Variants in ELP1 observed in about 807,000 individuals in gnomAD.
The protein encoded by ELP1 is elongator complex protein 1.
Under a neutral mutation model 183.2 loss-of-function variants are expected in ELP1, and 131 were observed. That is an observed-to-expected ratio of 0.72 (90% CI 0.62 to 0.83). The LOEUF (loss-of-function observed/expected upper bound fraction) is 0.83, where lower values mean the gene tolerates loss of function less well. Among genes scored for constraint, ELP1 ranks in the 40% least tolerant of loss-of-function variants. The probability of loss-of-function intolerance (pLI) is 0.00; values close to 1 mark genes in which losing one functional copy is unlikely to be tolerated. For missense variants in ELP1, 1,550 were observed against 1,594.9 expected, an observed-to-expected ratio of 0.97 and a Z score of 0.48; for synonymous variants, 555 against 569.0, an observed-to-expected ratio of 0.98 and a Z score of 0.35.
intron 29 of ELP1, among the ~76,000 whole-genome samples, chr9:108,887,217 A>G (rs990288302): frequency 6.6e-6 from 1 of 152,106 alleles, no homozygotes; most frequent in South Asian, 2.1e-4. Flanking sequence ...TCAAAAATAA[A>G]ATAATATAGA....
At chr9:108,870,121 G>A (rs1019303965) in intron 36 of ELP1, among the ~76,000 whole-genome samples, 2 of 152,002 alleles carry the variant, frequency 1.3e-5, no homozygotes, top group African/African-American at 4.8e-5. Flanking sequence ...GACTACAAGT[G>A]TACACCACCA....
chr9:108,929,746 C>G lies in ELP1; in HGVS notation c.303+23G>C, dbSNP rs139228551. The G allele has an allele frequency of 1.1e-4, 170 of 1,612,876 alleles. No individual in the cohort carries two copies. In the African/African-American group the frequency reaches 1.8e-3, roughly 17 times the overall value. On this transcript the variant is annotated intron_variant, in intron 3 of 36. Coordinates refer to ENST00000374647, the MANE Select transcript of ELP1 (RefSeq NM_003640.5). ...TATTTGAGGATGCTTGAGACTCCCC[C>G]CTCACTGGAGTCTTCCACTTACCTG...
rs1829937882 is a variant in ELP1, at chr9:108,929,788, C to T, written c.284G>A (p.Cys95Tyr). ...VATASGDVIL[C>Y]SLSTQQLECV... The stretch of plus-strand genomic sequence containing the variant: ...ACTTACCTGTTGTGTGCTGAGACTG[C>T]AGAGTATGACGTCTCCAGAGGCTGT... The change falls in exon 3 of 37, where the codon TGC becomes TAC. Residue 95 changes from cysteine to tyrosine, a missense_variant. Transcript: ENST00000374647. 1 of 1,613,912 alleles carries T rather than the reference C, an allele frequency of 6.2e-7. No individual in the cohort carries two copies. Among genetic ancestry groups the T allele is most frequent in the Admixed American group, 1.7e-5 (1 of 60,000 alleles).
chr9:108,929,890 C>G lies in ELP1; in HGVS notation c.182G>C (p.Gly61Ala), dbSNP rs1829942554. 1 of 1,613,728 alleles carries G rather than the reference C, an allele frequency of 6.2e-7. No individual in the cohort carries two copies. Among genetic ancestry groups the G allele is most frequent in the Non-Finnish European group, 8.5e-7 (1 of 1,180,024 alleles). ...GCCACTTCCATCCTCTGGGAGAAAG[C>G]CTTCTGCCACCAAAGAAACTTCATT... ...VKNEVSLVAEGFLPEDGSGRI... is the reference protein window; with the variant it reads ...VKNEVSLVAEAFLPEDGSGRI... The change falls in exon 3 of 37, where the codon GGC becomes GCC. Residue 61 changes from glycine (G) to alanine (A), a missense_variant. Physicochemically the swap from Gly to Ala is moderately conservative, Grantham distance 60 (BLOSUM62 0). Transcript: ENST00000374647.
intron 30 of ELP1, 68 bp downstream of exon 30, chr9:108,882,057 G>T: frequency 7.8e-7 from 1 of 1,290,140 alleles, no homozygotes; most frequent in South Asian, 1.2e-5. Context: ...GATTCCAACT[G>T]ACCTGGAATC....
chr9:108,902,968 C>T, intron 15 of ELP1, 26 bp from the exon 16 acceptor site: 2 of 1,560,814 alleles, frequency 1.3e-6, no homozygotes, highest in Non-Finnish European at 1.8e-6. Context: ...ATCTAGTTCA[C>T]AAATAGCTGA....
At chr9:108,900,512 T>G in intron 18 of ELP1, 137 bp from the exon 19 acceptor site, 1 of 728,666 alleles carries the variant, frequency 1.4e-6, no homozygotes. Context: ...CCACTGAACC[T>G]CAAGACTATC....
chr9:108,908,266 G>T, intron 13 of ELP1, 39 bp downstream of exon 13: 1 of 1,466,024 alleles, frequency 6.8e-7, no homozygotes, highest in Non-Finnish European at 9.6e-7. Flanking sequence ...CATGCTGGCT[G>T]ATTCTGTTCC....
chr9:108,918,539 G>C (rs1829532607), intron 8 of ELP1, among the ~76,000 whole-genome samples: 1 of 151,836 alleles, frequency 6.6e-6, no homozygotes, highest in African/African-American at 2.4e-5. Context: ...TAAAACCACA[G>C]CCTTTTAAGA....
At chr9:108,877,114 A>C (rs1827733554) in intron 35 of ELP1, among the ~76,000 whole-genome samples, 2 of 152,166 alleles carry the variant, frequency 1.3e-5, no homozygotes, top group South Asian at 2.1e-4. Context: ...CAGCTCCCTC[A>C]GAAATGCCAG....
intron 1 of ELP1, among the ~76,000 whole-genome samples, chr9:108,932,074 G>A (rs558502508): frequency 5.9e-5 from 9 of 152,208 alleles, no homozygotes; most frequent in African/African-American, 2.2e-4. Context: ...GGACCACACC[G>A]GTCTTATTGT....
rs1359890380 is a variant in ELP1, at chr9:108,934,060, A to C, written c.-252T>G. 5.6e-6 allele frequency: 1 copy of C among 178,832 alleles called. No homozygotes were observed. The highest frequency in any genetic ancestry group is 1.9e-4 in the East Asian group (1 of 5,242). The allele number at this position is 178,832 out of a possible 1,614,324, so 11.1% of individuals were successfully genotyped here. The stretch of plus-strand genomic sequence containing the variant: ...GGCGCCCTCCAGGGGAAAACGCTGA[A>C]GCGCTGCAAAGAAGCCAGCGACTCA... On this transcript the variant is annotated 5_prime_UTR_variant, in exon 1 of 37. Coordinates refer to ENST00000374647, the MANE Select transcript of ELP1 (RefSeq NM_003640.5).
At chr9:108,870,969 A>ATTTTTTTTT (rs33952302) in intron 36 of ELP1, among the ~76,000 whole-genome samples, 12 of 83,566 alleles carry the variant, frequency 1.4e-4, no homozygotes, top group Non-Finnish European at 2.0e-4. Flanking sequence ...TTCATGCACC[A>ATTTTTTTTT]TTTTTTTTTT....
intron 18 of ELP1, among the ~76,000 whole-genome samples, chr9:108,900,763 C>T (rs924299320): frequency 1.3e-5 from 2 of 151,536 alleles, no homozygotes; most frequent in East Asian, 3.9e-4. Context: ...AACACACACA[C>T]ACATACACGC....
In ELP1 at chr9:108,931,021, T is replaced by C. The variant is rs765142861; in HGVS notation, c.126A>G (p.Ile42Met). The C allele has an allele frequency of 1.2e-6, 2 of 1,614,070 alleles. No individual in the cohort carries two copies. Among genetic ancestry groups the C allele is most frequent in the Non-Finnish European group, 1.7e-6 (2 of 1,180,038 alleles). ...CTTCTCTTGAGACAGGGTCTACTTC[T>C]ATCAGGCCATGTTCTGAACCAATGA... ...TVLIGSEHGLIEVDPVSREVK... is the reference protein window; with the variant it reads ...TVLIGSEHGLMEVDPVSREVK... Residue 42 changes from isoleucine to methionine, a missense_variant, in exon 2 of 37, where the codon ATA becomes ATG. Ile to Met is a conservative substitution (Grantham distance 10, BLOSUM62 1). Coordinates refer to ENST00000374647, the MANE Select transcript of ELP1 (RefSeq NM_003640.5).
intron 10 of ELP1, among the ~76,000 whole-genome samples, chr9:108,914,737 T>C (rs1457079644): frequency 6.6e-6 from 1 of 152,140 alleles, no homozygotes; most frequent in African/African-American, 2.4e-5. Context: ...ACCATTCTCC[T>C]GCCTCAGCCT....
chr9:108,931,040 C>T lies in ELP1; in HGVS notation c.107G>A (p.Gly36Asp). ...LRTEQGTVLI[G>D]SEHGLIEVDP... is the part of the protein sequence containing the mutation. ...TACTTCTATCAGGCCATGTTCTGAA[C>T]CAATGAGCACCGTCCCCTGTTCAGT... Residue 36 changes from glycine (G) to aspartate (D), a missense_variant, in exon 2 of 37, where the codon GGT (glycine) becomes GAT (aspartate). Physicochemically the swap from Gly to Asp is moderately conservative, Grantham distance 94. Coordinates refer to ENST00000374647, the MANE Select transcript of ELP1 (RefSeq NM_003640.5). The T allele has an allele frequency of 6.2e-7, 1 of 1,614,134 alleles. No individual in the cohort carries two copies. The highest frequency in any genetic ancestry group is 8.5e-7 in the Non-Finnish European group (1 of 1,180,026).
chr9:108,896,889 A>C (rs1828570792), intron 24 of ELP1, 64 bp downstream of exon 24: 2 of 1,380,424 alleles, frequency 1.4e-6, no homozygotes, highest in Non-Finnish European at 2.1e-6. Context: ...GGTGATTGTC[A>C]CCTGCAGAAG....
intron 12 of ELP1, among the ~76,000 whole-genome samples, chr9:108,908,859 G>A (rs1010569969): frequency 3.3e-5 from 5 of 152,064 alleles, no homozygotes; most frequent in African/African-American, 9.7e-5. Context: ...AGTAAAAGCC[G>A]CAAGGCCCTA....
Sources: gnomAD v4.1 joint callset for allele counts (sites outside exome capture counted in the v4.1 genomes callset) on GRCh38, gnomAD v4.1.1 for gene constraint, MANE v1.5 for transcripts, NCBI Gene and HGNC (gene_info 2026-07-23, HGNC 2026-07-21) for gene names.